Variants in PLPPR1 observed in about 807,000 individuals in gnomAD.
PLPPR1 encodes the protein phospholipid phosphatase-related protein type 1.
Under a neutral mutation model 33.1 loss-of-function variants are expected in PLPPR1, and 10 were observed. The ratio of observed to expected loss-of-function variants is 0.30; its 90% CI spans 0.19 to 0.51. The LOEUF (loss-of-function observed/expected upper bound fraction) is 0.51. Among genes scored for constraint, PLPPR1 ranks in the 20% least tolerant of loss-of-function variants. The pLI is 0.97. For synonymous variants in PLPPR1, 151 were observed against 151.0 expected (o/e 1.00, Z 0.00); for missense variants, 304 against 408.1 (o/e 0.74, Z 2.20).
At position 101,030,778 on chromosome 9, in the gene PLPPR1, T is replaced by A. The variant is rs562317279; in HGVS notation, c.-46+1676T>A. ...CACTTTGAGATGACAGGTTGGGGAG[T>A]CTCTCTGCTGCTTGGGATGGGGACC... On this transcript the variant is annotated intron_variant, in intron 1 of 7. Transcript: ENST00000374874. 8.6e-4 allele frequency among the ~76,000 whole-genome samples: 131 copies of A among 151,798 alleles called. 3 individuals carry two copies. In the South Asian group the frequency reaches 0.021, roughly 24 times the overall value.
intron 4 of PLPPR1, among the ~76,000 whole-genome samples, chr9:101,296,844 C>T (rs1285868941): frequency 6.6e-6 from 1 of 151,688 alleles, no homozygotes; most frequent in African/African-American, 2.4e-5. Context: ...ATACCTAATG[C>T]TAAATGACGA....
chr9:101,225,465 C>T (rs576015252), intron 2 of PLPPR1, among the ~76,000 whole-genome samples: 4 of 152,282 alleles, frequency 2.6e-5, no homozygotes, highest in South Asian at 2.1e-4. Flanking sequence ...ACATAGCTCA[C>T]CCAAAGCAAG....
intron 1 of PLPPR1, among the ~76,000 whole-genome samples, chr9:101,132,433 A>C (rs371365882): frequency 1.9e-4 from 29 of 152,336 alleles, no homozygotes; most frequent in African/African-American, 7.0e-4. Flanking sequence ...GTAAGATTTC[A>C]ACTATATGTC....
intron 1 of PLPPR1, among the ~76,000 whole-genome samples, chr9:101,139,625 G>A (rs1831423445): frequency 2.0e-5 from 3 of 152,190 alleles, no homozygotes; most frequent in Middle Eastern, 6.8e-3. Flanking sequence ...AGAATGAATC[G>A]ACAGTGTGTT....
At chr9:101,123,323 A>T (rs890617581) in intron 1 of PLPPR1, among the ~76,000 whole-genome samples, 1 of 152,144 alleles carries the variant, frequency 6.6e-6, no homozygotes, top group Admixed American at 6.5e-5. Context: ...TGGAAATCAG[A>T]TGGCCTGAGT....
At chr9:101,252,275 G>A (rs1316777120) in intron 2 of PLPPR1, among the ~76,000 whole-genome samples, 1 of 152,122 alleles carries the variant, frequency 6.6e-6, no homozygotes, top group South Asian at 2.1e-4. Context: ...TTCCATAAAT[G>A]CACAGTGTTA....
At chr9:101,217,762 A>T (rs938935741) in intron 2 of PLPPR1, among the ~76,000 whole-genome samples, 1 of 152,212 alleles carries the variant, frequency 6.6e-6, no homozygotes, top group African/African-American at 2.4e-5. Flanking sequence ...ATTGAAAATA[A>T]CCATATATTA....
chr9:101,152,395 G>T (rs1428076271), intron 1 of PLPPR1, among the ~76,000 whole-genome samples: 8 of 152,228 alleles, frequency 5.3e-5, no homozygotes, highest in African/African-American at 9.6e-5. Context: ...AGAAGCTCTT[G>T]AGTTTAATTA....
At chr9:101,238,228 C>T (rs1367404872) in intron 2 of PLPPR1, among the ~76,000 whole-genome samples, 1 of 135,478 alleles carries the variant, frequency 7.4e-6, no homozygotes, top group Non-Finnish European at 1.6e-5. Context: ...ATATACACCT[C>T]TCTATATATA....
chr9:101,241,452 T>C (rs937357549), intron 2 of PLPPR1, among the ~76,000 whole-genome samples: 2 of 152,072 alleles, frequency 1.3e-5, no homozygotes, highest in Admixed American at 6.6e-5. Context: ...CAAAATCTCA[T>C]GTTTTAAGAA....
intron 2 of PLPPR1, among the ~76,000 whole-genome samples, chr9:101,225,350 A>G (rs1388173919): frequency 6.6e-6 from 1 of 152,104 alleles, no homozygotes; most frequent in Non-Finnish European, 1.5e-5. Context: ...AAATATTGCC[A>G]CTGCTCACAC....
chr9:101,289,197 C>G (rs962461629), intron 4 of PLPPR1, among the ~76,000 whole-genome samples: 3 of 152,172 alleles, frequency 2.0e-5, no homozygotes, highest in African/African-American at 7.2e-5. Context: ...ACTTTACAAG[C>G]TGGCCAAACC....
chr9:101,036,692 T>G (rs1467217232), intron 1 of PLPPR1, among the ~76,000 whole-genome samples: 1 of 106,684 alleles, frequency 9.4e-6, no homozygotes, highest in Non-Finnish European at 1.8e-5. Context: ...AAAGCTTGGC[T>G]ATTTCTGCCA....
intron 4 of PLPPR1, among the ~76,000 whole-genome samples, chr9:101,294,570 C>T (rs1210723893): frequency 4.0e-5 from 6 of 151,152 alleles, no homozygotes; most frequent in South Asian, 4.2e-4. Context: ...ACTGGCAAAC[C>T]GAATCCAGCA....
chr9:101,167,140 C>CGG (rs1825869409), intron 1 of PLPPR1, among the ~76,000 whole-genome samples: 6 of 18,370 alleles, frequency 3.3e-4, no homozygotes, highest in Non-Finnish European at 9.0e-4. Flanking sequence ...TTATGTCTCT[C>CGG]GGTGTGTGTG....
rs138501300 is a variant in PLPPR1, at chr9:101,051,814, A to C, written c.-46+22712A>C. Among the ~76,000 whole-genome samples the C allele has an allele frequency of 2.2e-3, 339 of 152,324 alleles. 12 individuals are homozygous for C. In the East Asian group the frequency reaches 0.056, roughly 25 times the overall value. ...GCAAGTGTAAGTAATTCCAACACGCATTGGTGATAACCTCTATTTACATTT... is the reference window on the plus strand; with the variant it reads ...GCAAGTGTAAGTAATTCCAACACGCCTTGGTGATAACCTCTATTTACATTT... On this transcript the variant is annotated intron_variant, in intron 1 of 7. Coordinates refer to ENST00000374874, the MANE Select transcript of PLPPR1 (RefSeq NM_207299.2).
At chr9:101,196,148 T>C (rs1026270465) in intron 2 of PLPPR1, among the ~76,000 whole-genome samples, 2 of 152,090 alleles carry the variant, frequency 1.3e-5, no homozygotes, top group Admixed American at 6.5e-5. Flanking sequence ...GGCCAAGGTA[T>C]TAGAATTTCT....
intron 4 of PLPPR1, among the ~76,000 whole-genome samples, chr9:101,290,346 T>C (rs1014451255): frequency 1.3e-5 from 2 of 152,186 alleles, no homozygotes; most frequent in African/African-American, 4.8e-5. Flanking sequence ...TTGCAGTTTA[T>C]GTAATTATTC....
At chr9:101,140,197 A>C (rs1011005134) in intron 1 of PLPPR1, among the ~76,000 whole-genome samples, 5 of 150,708 alleles carry the variant, frequency 3.3e-5, no homozygotes, top group African/African-American at 4.9e-5. Flanking sequence ...AAACATTCTC[A>C]TAAAAATTGC....
Sources: gnomAD v4.1 joint callset for allele counts (sites outside exome capture counted in the v4.1 genomes callset) on GRCh38, gnomAD v4.1.1 for gene constraint, MANE v1.5 for transcripts, NCBI Gene and HGNC (gene_info 2026-07-23, HGNC 2026-07-21) for gene names.